Variants in TTC13 observed in about 807,000 individuals in gnomAD.
TTC13 encodes the protein tetratricopeptide repeat domain 13, also known as tetratricopeptide repeat protein 13.
A neutral mutation model predicts 120.0 loss-of-function variants in TTC13; 62 were observed. The ratio of observed to expected loss-of-function variants is 0.52; its 90% CI spans 0.42 to 0.64. The LOEUF (loss-of-function observed/expected upper bound fraction) is 0.64. TTC13 is among the 30% of genes least tolerant of loss of function. TTC13 has a pLI of 0.00. For synonymous variants in TTC13, 384 were observed against 393.5 expected (o/e 0.98, Z 0.28); for missense variants, 824 against 1,050.2 (o/e 0.78, Z 2.98).
intron 13 of TTC13, 50 bp from the exon 14 acceptor site, chr1:230,925,023 G>A (rs1165648268): frequency 6.2e-7 from 1 of 1,605,766 alleles, no homozygotes; most frequent in African/African-American, 1.3e-5. Flanking sequence ...GAGGGACTGA[G>A]TTCCACCTAC....
intron 3 of TTC13, among the ~76,000 whole-genome samples, chr1:230,954,754 C>T (rs1225982146): frequency 6.6e-6 from 1 of 152,122 alleles, no homozygotes; most frequent in Admixed American, 6.5e-5. Context: ...AAATAATGTC[C>T]ACATAACATG....
chr1:230,974,039 T>C (rs751146238), intron 1 of TTC13, among the ~76,000 whole-genome samples: 11 of 149,874 alleles, frequency 7.3e-5, no homozygotes, highest in Non-Finnish European at 1.5e-4. Flanking sequence ...ATCACGCCAT[T>C]GCACTCCAGC....
intron 22 of TTC13, 34 bp from the exon 23 acceptor site, chr1:230,907,053 A>T (rs757717860): frequency 1.7e-6 from 2 of 1,152,024 alleles, no homozygotes; most frequent in East Asian, 5.5e-5. Context: ...GCGGCATGAA[A>T]ATTAACAAAA....
rs202049212 is a variant in TTC13 at position 230,906,969 on chromosome 1, G to A, written c.2519C>T (p.Thr840Met). 3.5e-4 allele frequency: 535 copies of A among 1,542,372 alleles called. No homozygotes were observed. Among genetic ancestry groups the A allele is most frequent in the East Asian group, 8.0e-4 (32 of 39,938 alleles). ...TLPSVSETFP[T>M]LRSMIEVLNT... ...TAGCACCTCAATCATCGATCTTAAC[G>A]TTGGAAACGTTTCTGATACTGATGG... The change falls in exon 23 of 23, where the codon ACG becomes ATG. Residue 840 changes from threonine (T) to methionine (M), a missense_variant. By Grantham distance (81) the Thr-to-Met change is moderately conservative. Around this residue, in one of 4 missense-constraint regions of TTC13, gnomAD observed 226 missense variants for 259.1 expected, o/e 0.87. Coordinates refer to ENST00000366661, the MANE Select transcript of TTC13 (RefSeq NM_024525.5).
rs2102876860 is a variant in TTC13, at chr1:230,940,699, T to C, written c.673-143A>G. The stretch of plus-strand genomic sequence containing the variant: ...CTGCAATCCTTGACCCCCTATATTA[T>C]GCGGTGGGGTTCAAAGTCAACCAGC... On this transcript the variant is annotated intron_variant, in intron 6 of 22. Transcript: ENST00000366661. This position sits in a 1 kb window ranked among gnomAD's most constrained non-coding sequence, Gnocchi z 4.1. 1.7e-6 allele frequency: 1 copy of C among 588,714 alleles called. No individual in the cohort carries two copies. The highest frequency in any genetic ancestry group is 3.0e-5 in the East Asian group (1 of 33,516). 36.5% of individuals were successfully genotyped at this position (588,714 alleles called of 1,614,324 possible).
At chr1:230,956,668 T>C (rs545830498) in intron 3 of TTC13, 48 of 239,836 alleles carry the variant, frequency 2.0e-4, no homozygotes, top group Middle Eastern at 3.2e-3. Flanking sequence ...ATCTAAGTGA[T>C]TGAATTCCAC....
At chr1:230,976,954 G>A (rs1678374413) in intron 1 of TTC13, among the ~76,000 whole-genome samples, 1 of 152,204 alleles carries the variant, frequency 6.6e-6, no homozygotes, top group Non-Finnish European at 1.5e-5. Flanking sequence ...ATGAGCAAAG[G>A]AGAAAGGGAA....
At chr1:230,948,753 G>A (rs1675250469) in intron 4 of TTC13, among the ~76,000 whole-genome samples, 1 of 152,090 alleles carries the variant, frequency 6.6e-6, no homozygotes, top group Admixed American at 6.5e-5. Flanking sequence ...ACCTCCCAAA[G>A]TGCTGGGGTT....
At position 230,960,673 on chromosome 1, in the gene TTC13, C is replaced by T. The variant is rs143474656; in HGVS notation, c.366+536G>A. On this transcript the variant is annotated intron_variant, in intron 2 of 22. Transcript: ENST00000366661. ...AAGGAAAAGGCCTGGAGAAAAAATA[C>T]ATTAAACTTGGACACGGAAAGAACA... 7.8e-3 allele frequency among the ~76,000 whole-genome samples: 1,179 copies of T among 151,684 alleles called. 12 individuals carry two copies. The highest frequency in any genetic ancestry group is 0.026 in the African/African-American group (1,096 of 41,368).
rs1288220134 is a variant in TTC13, at chr1:230,978,780, C to A, written c.51G>T (p.Val17=). 6.7e-7 allele frequency: 1 copy of A among 1,498,880 alleles called. No individual in the cohort carries two copies. The highest frequency in any genetic ancestry group is 2.7e-5 in the East Asian group (1 of 36,976). 92.8% of individuals were successfully genotyped at this position (1,498,880 alleles called of 1,614,324 possible). ...CACGCCGGGCGGCGCCCGCGGCGGC[C>A]ACAGCGCCGCCCCAGAAGCAGCAGC... is the stretch of plus-strand genomic sequence containing the variant. The part of the protein sequence containing the change: ...CCCCCFWGGA[V]AAAGAARRVL... The change falls in exon 1 of 23, where the codon GTG becomes GTT. Residue 17 remains valine, a synonymous_variant. Transcript: ENST00000366661. This position sits in a 1 kb window ranked among gnomAD's most constrained non-coding sequence, Gnocchi z 5.6.
intron 8 of TTC13, among the ~76,000 whole-genome samples, chr1:230,935,976 G>A (rs546384140): frequency 3.1e-3 from 466 of 152,262 alleles, no homozygotes; most frequent in African/African-American, 0.011. Context: ...AAGCTTTTAA[G>A]CTGAAGAGCT....
intron 3 of TTC13, among the ~76,000 whole-genome samples, chr1:230,957,825 GTAAAATAA>G (rs1676242230): frequency 8.6e-5 from 13 of 151,956 alleles, no homozygotes; most frequent in Non-Finnish European, 1.3e-4. Context: ...AGCCTCATGA[GTAAAATAA>G]CTTAAAGTTT....
At position 230,961,257 on chromosome 1, in the gene TTC13, T is replaced by A. The variant is rs748614551; in HGVS notation, c.318A>T (p.Gly106=). 6.2e-7 allele frequency: 1 copy of A among 1,614,098 alleles called. No homozygotes were observed. The highest frequency in any genetic ancestry group is 8.5e-7 in the Non-Finnish European group (1 of 1,179,996). ...NFHDSDCEPK[G]SSPCDSLLSL... is the part of the protein sequence containing the mutation. ...AAAGCAAGGAGTCACAGGGTGATGATCCCTTGGGTTCGCAGTCTGAGTCAT... is the reference window on the plus strand; with the variant it reads ...AAAGCAAGGAGTCACAGGGTGATGAACCCTTGGGTTCGCAGTCTGAGTCAT... The change falls in exon 2 of 23, where the codon GGA becomes GGT. Residue 106 remains glycine, a synonymous_variant. Transcript: ENST00000366661.
chr1:230,925,607 C>T lies in TTC13; in HGVS notation c.1498G>A (p.Val500Ile), dbSNP rs764150813. The change falls in exon 13 of 23, where the codon GTA (valine) becomes ATA (isoleucine). Residue 500 changes from valine (V) to isoleucine (I), a missense_variant. Val to Ile is a conservative substitution (Grantham distance 29). This residue lies in a region of TTC13 where 430 missense variants were observed against 626.8 expected (regional missense o/e 0.69). Transcript: ENST00000366661. ...HQNFESYKPE[V>I]QELICVADRL... ...TCAGCCACACAAATCAGCTCCTGTA[C>T]TTCAGGCTTATAACTCTCAAAATTC... 1.2e-6 allele frequency: 2 copies of T among 1,613,988 alleles called. No individual in the cohort carries two copies. The highest frequency in any genetic ancestry group is 2.2e-5 in the East Asian group (1 of 44,886).
At chr1:230,932,235 A>T (rs1558186825) in intron 9 of TTC13, among the ~76,000 whole-genome samples, 1 of 152,160 alleles carries the variant, frequency 6.6e-6, no homozygotes, top group Admixed American at 6.5e-5. Flanking sequence ...GGAAAAAAAT[A>T]TACCAATTAT....
chr1:230,955,522 T>C (rs981005142), intron 3 of TTC13, among the ~76,000 whole-genome samples: 2 of 128,030 alleles, frequency 1.6e-5, no homozygotes, highest in Non-Finnish European at 3.3e-5. Context: ...AAAAAAAAAA[T>C]TAGCTGGGCG....
At chr1:230,973,181 T>C (rs1677935089) in intron 1 of TTC13, among the ~76,000 whole-genome samples, 1 of 152,214 alleles carries the variant, frequency 6.6e-6, no homozygotes, top group South Asian at 2.1e-4. Flanking sequence ...CTTAACTTCC[T>C]CATAGAGCAA....
At chr1:230,956,321 C>G (rs1276658483) in intron 3 of TTC13, 1 of 195,624 alleles carries the variant, frequency 5.1e-6, no homozygotes, top group African/African-American at 2.4e-5. Context: ...GTCAGATGAA[C>G]ATGGATAAAA....
At chr1:230,941,790 A>G (rs898470291) in intron 6 of TTC13, among the ~76,000 whole-genome samples, 2 of 152,220 alleles carry the variant, frequency 1.3e-5, no homozygotes, top group South Asian at 2.1e-4. Flanking sequence ...CTGGGGTTGT[A>G]TTTGGGAAGG....
Sources: allele counts gnomAD v4.1 joint callset (sites outside exome capture counted in the v4.1 genomes callset), GRCh38; gene constraint gnomAD v4.1.1; regional missense constraint gnomAD v4.1.1; non-coding constraint Gnocchi (gnomAD v3.1); transcripts MANE v1.5; gene names NCBI Gene and HGNC (gene_info 2026-07-23, HGNC 2026-07-21).